TBC1D9B: variants seen among roughly 807,000 people sequenced by gnomAD.
TBC1D9B encodes TBC1 domain family, member 9B (with GRAM domain).
TBC1D9B carries 87 observed loss-of-function variants against 121.1 expected under a neutral mutation model. That is an observed-to-expected ratio of 0.72 (90% CI 0.60 to 0.86). The LOEUF (loss-of-function observed/expected upper bound fraction) is 0.86. Ranked by LOEUF, TBC1D9B falls within the 40% of genes least tolerant of loss-of-function variation. TBC1D9B has a pLI of 0.00. For missense variants in TBC1D9B, 1,540 were observed against 1,628.6 expected (o/e 0.95, Z 0.94); for synonymous variants, 668 against 670.1 (o/e 1.00, Z 0.05).
At chr5:179,905,162 C>G (rs939677678) in intron 1 of TBC1D9B, among the ~76,000 whole-genome samples, 1 of 152,046 alleles carries the variant, frequency 6.6e-6, no homozygotes, top group Non-Finnish European at 1.5e-5. Flanking sequence ...TGCTTTAGAC[C>G]GAGAAAGTAC....
chr5:179,871,312 G>A, intron 15 of TBC1D9B, 150 bp downstream of exon 15: 1 of 742,450 alleles, frequency 1.3e-6, no homozygotes, highest in Non-Finnish European at 2.2e-6. Flanking sequence ...CATGGCAACT[G>A]CATCTGAGGA....
At chr5:179,893,614 G>T in intron 4 of TBC1D9B, 147 bp from the exon 5 acceptor site, 2 of 1,158,572 alleles carry the variant, frequency 1.7e-6, no homozygotes, top group Non-Finnish European at 2.4e-6. Flanking sequence ...GCTGTGTCAC[G>T]CCCTCCATGT....
At chr5:179,877,554 C>G (rs11952949) in intron 10 of TBC1D9B, among the ~76,000 whole-genome samples, 1 of 151,148 alleles carries the variant, frequency 6.6e-6, no homozygotes, top group African/African-American at 2.4e-5. Context: ...ATCCCAGCTA[C>G]TCAAGAGGCT....
Position 179,878,415 on chromosome 5 carries a change from C to T in TBC1D9B, c.1676G>A (p.Arg559His), listed in dbSNP as rs140686469. The T allele has an allele frequency of 1.5e-5, 24 of 1,613,436 alleles. No individual in the cohort carries two copies. Among genetic ancestry groups the T allele is most frequent in the Non-Finnish European group, 1.9e-5 (23 of 1,179,842 alleles). The change falls in exon 10 of 21, where the codon CGC becomes CAC. Residue 559 changes from arginine to histidine, a missense_variant. Arg to His is a conservative substitution (Grantham distance 29). Transcript: ENST00000355235. ...GAAGGCAGGGTGCTCGGGCATGGAG[C>T]GGTGCAGGTCTCGCTCGATCTCCTC... ...ATEEIERDLH[R>H]SMPEHPAFQN...
Position 179,891,517 on chromosome 5 carries a change from T to C in TBC1D9B, c.906A>G (p.Leu302=). The stretch of plus-strand genomic sequence containing the variant: ...ACAGGGTGCAGCTTGTGTGGCCGTC[T>C]AGCCGCTCATCCCTGGGCAGCCGGA... ...ATFRLPRDER[L]DGHTSCTLWT... The change falls in exon 6 of 21, where the codon CTA becomes CTG. Residue 302 remains leucine, a synonymous_variant. Coordinates refer to ENST00000355235, the MANE Select transcript of TBC1D9B (RefSeq NM_015043.4). The surrounding 1 kb of genome is among the most constrained non-coding windows in gnomAD (Gnocchi z 4.3). The C allele has an allele frequency of 6.2e-7, 1 of 1,614,070 alleles. No homozygotes were observed. The highest frequency in any genetic ancestry group is 8.5e-7 in the Non-Finnish European group (1 of 1,180,022).
rs955968117 is a variant in TBC1D9B at position 179,891,205 on chromosome 5, C to T, written c.1044+174G>A. On this transcript the variant is annotated intron_variant, in intron 6 of 20. Transcript: ENST00000355235. This position sits in a 1 kb window ranked among gnomAD's most constrained non-coding sequence, Gnocchi z 4.3. ...GGGCAGGTGCCTGTGGAGGGGCTCA[C>T]TTGTCCTACACCCTCCACCTGTCCC... Among the ~76,000 whole-genome samples, 55 of 152,236 alleles carry T rather than the reference C, an allele frequency of 3.6e-4. 2 individuals carry two copies. Among genetic ancestry groups the T allele is most frequent in the Non-Finnish European group, 1.5e-5 (1 of 68,034 alleles).
chr5:179,871,103 C>T (rs1412327894), intron 15 of TBC1D9B, among the ~76,000 whole-genome samples: 2 of 152,188 alleles, frequency 1.3e-5, no homozygotes, highest in East Asian at 3.9e-4. Context: ...CAGAGGACAT[C>T]AGAGATGGGG....
chr5:179,903,795 C>T (rs1761227143), intron 2 of TBC1D9B, among the ~76,000 whole-genome samples: 1 of 152,096 alleles, frequency 6.6e-6, no homozygotes, highest in African/African-American at 2.4e-5. Context: ...TTTAAACAGC[C>T]AAGTCATCAG....
Position 179,891,600 on chromosome 5 carries a change from G to T in TBC1D9B, c.837-14C>A. 6.2e-7 allele frequency: 1 copy of T among 1,610,744 alleles called. No homozygotes were observed. The highest frequency in any genetic ancestry group is 8.5e-7 in the Non-Finnish European group (1 of 1,179,254). On this transcript the variant is annotated splice_polypyrimidine_tract_variant and intron_variant, in intron 5 of 20. Coordinates refer to ENST00000355235, the MANE Select transcript of TBC1D9B (RefSeq NM_015043.4). This position sits in a 1 kb window ranked among gnomAD's most constrained non-coding sequence, Gnocchi z 4.3. ...GCGTCCAGGTCTCTGGGGAAACAAGGTAGGAGGACAGGAGGAAAGGGGACA... is the reference window on the plus strand; with the variant it reads ...GCGTCCAGGTCTCTGGGGAAACAAGTTAGGAGGACAGGAGGAAAGGGGACA...
In TBC1D9B at chr5:179,865,505, T is replaced by C. The variant is rs1759982903; in HGVS notation, c.2915-145A>G. On this transcript the variant is annotated intron_variant, in intron 19 of 20. Transcript: ENST00000355235. This position sits in a 1 kb window ranked among gnomAD's most constrained non-coding sequence, Gnocchi z 5.1. ...ACCCTGGCGTTTGGGAAGGTGGTCA[T>C]GGGAAAAAAACCCAGAACAGCCACA... The C allele has an allele frequency of 3.9e-5, 30 of 775,432 alleles. No individual in the cohort carries two copies. In the South Asian group the frequency reaches 4.8e-4, roughly 13 times the overall value. The allele number at this position is 775,432 out of a possible 1,614,324, so 48.0% of individuals were successfully genotyped here.
At chr5:179,887,984 AC>A in intron 7 of TBC1D9B, 118 bp downstream of exon 7, 4 of 1,269,410 alleles carry the variant, frequency 3.2e-6, no homozygotes, top group Non-Finnish European at 4.5e-6. Context: ...TGACACATCC[AC>A]CCCTAGGCGG....
chr5:179,896,319 G>A (rs1761016756), intron 3 of TBC1D9B, among the ~76,000 whole-genome samples: 1 of 152,152 alleles, frequency 6.6e-6, no homozygotes, highest in Non-Finnish European at 1.5e-5. Context: ...ACCTAAATGG[G>A]GAGAAGGAAA....
Position 179,878,036 on chromosome 5 carries a change from G to T in TBC1D9B, c.1782+273C>A, listed in dbSNP as rs529933019. Among the ~76,000 whole-genome samples the T allele has an allele frequency of 7.9e-5, 12 of 152,200 alleles. No homozygotes were observed. In the South Asian group the frequency reaches 2.1e-3, roughly 26 times the overall value. ...TGCACGCTTAAAAACAGTGAAGATG[G>T]GACATTTTATGTTCTGTATGTGCCT... On this transcript the variant is annotated intron_variant, in intron 10 of 20. Coordinates refer to ENST00000355235, the MANE Select transcript of TBC1D9B (RefSeq NM_015043.4).
chr5:179,907,763 G>T lies in TBC1D9B; in HGVS notation c.59C>A (p.Ala20Asp). The T allele has an allele frequency of 1.6e-6, 2 of 1,222,190 alleles. No individual in the cohort carries two copies. Among genetic ancestry groups the T allele is most frequent in the East Asian group, 6.7e-5 (1 of 14,890 alleles). 75.7% of individuals were successfully genotyped at this position (1,222,190 alleles called of 1,614,324 possible). ...VANALWVTER[A>D]NPFFVLQRRR... ...TCGCTGCAGCACGAAGAAGGGGTTG[G>T]CCCGCTCCGTCACCCACAGCGCATT... is the stretch of plus-strand genomic sequence containing the variant. The change falls in exon 1 of 21, where the codon GCC becomes GAC. Residue 20 changes from alanine to aspartate, a missense_variant. Transcript: ENST00000355235. This position sits in a 1 kb window ranked among gnomAD's most constrained non-coding sequence, Gnocchi z 5.3.
At chr5:179,889,590 T>C (rs1760799614) in intron 6 of TBC1D9B, among the ~76,000 whole-genome samples, 1 of 152,064 alleles carries the variant, frequency 6.6e-6, no homozygotes, top group Admixed American at 6.6e-5. Flanking sequence ...GCTAAGTGTG[T>C]TAGGCCGGGT....
At chr5:179,876,587 A>G (rs1342996010) in intron 10 of TBC1D9B, among the ~76,000 whole-genome samples, 1 of 152,234 alleles carries the variant, frequency 6.6e-6, no homozygotes, top group Non-Finnish European at 1.5e-5. Flanking sequence ...AAATGCCTAG[A>G]TTTAAAATCA....
rs146018049 is a variant in TBC1D9B at position 179,863,813 on chromosome 5, C to T, written c.3337G>A (p.Gly1113Arg). Residue 1113 changes from glycine to arginine, a missense_variant, in exon 21 of 21, where the codon GGG becomes AGG. Coordinates refer to ENST00000355235, the MANE Select transcript of TBC1D9B (RefSeq NM_015043.4). This position sits in a 1 kb window ranked among gnomAD's most constrained non-coding sequence, Gnocchi z 4.5. ...GAGCCCTGTCCCTCGCCGCTGCCCC[C>T]CTCCACCACCACCTGGCTCTCCTGT... ...APQESQVVVE[G>R]GSGEGQGSPS... 2 of 1,613,678 alleles carry T rather than the reference C, an allele frequency of 1.2e-6. No individual in the cohort carries two copies. The highest frequency in any genetic ancestry group is 2.2e-5 in the South Asian group (2 of 91,084).
Position 179,865,838 on chromosome 5 carries a change from C to T in TBC1D9B, c.2914G>A (p.Glu972Lys). Residue 972 changes from glutamate to lysine, a missense_variant and splice_region_variant, in exon 19 of 21, where the codon GAG becomes AAG. By Grantham distance (56) the Glu-to-Lys change is moderately conservative. Transcript: ENST00000355235. This position sits in a 1 kb window ranked among gnomAD's most constrained non-coding sequence, Gnocchi z 5.1. ...AACAGCGGCAGAGAATGGCCTGTAC[C>T]TCCTCTCTCCTCACTTCCACTTCCT... ...QEGSGSEERG[E>K]EKGTSSPDYR... 6.2e-7 allele frequency: 1 copy of T among 1,605,640 alleles called. No homozygotes were observed. The highest frequency in any genetic ancestry group is 1.1e-5 in the South Asian group (1 of 89,442).
At chr5:179,881,946 G>GTTTT (rs796278508) in intron 7 of TBC1D9B, among the ~76,000 whole-genome samples, 2 of 128,324 alleles carry the variant, frequency 1.6e-5, no homozygotes, top group African/African-American at 6.7e-5. Flanking sequence ...TATACCTTCC[G>GTTTT]TTTTTTTTTT....
Sources: gnomAD v4.1 joint callset for allele counts (sites outside exome capture counted in the v4.1 genomes callset) on GRCh38, gnomAD v4.1.1 for gene constraint, Gnocchi (gnomAD v3.1) non-coding constraint, MANE v1.5 for transcripts, NCBI Gene and HGNC (gene_info 2026-07-23, HGNC 2026-07-21) for gene names.